Variants in PTPN9 observed in about 807,000 individuals in gnomAD.
The protein encoded by PTPN9 is tyrosine-protein phosphatase non-receptor type 9.
A neutral mutation model predicts 69.8 loss-of-function variants in PTPN9; 26 were observed. The observed-to-expected ratio is 0.37, with a 90% CI of 0.27 to 0.52. The LOEUF (loss-of-function observed/expected upper bound fraction) is 0.52, where lower values mean the gene tolerates loss of function less well. Ranked by LOEUF, PTPN9 falls within the 20% of genes least tolerant of loss-of-function variation. PTPN9 has a pLI of 0.91. For synonymous variants in PTPN9, 274 were observed against 272.5 expected, an observed-to-expected ratio of 1.01 and a Z score of -0.05; for missense variants, 549 against 740.3, an observed-to-expected ratio of 0.74 and a Z score of 3.00.
At chr15:75,539,792 C>A (rs777169334) in intron 1 of PTPN9, among the ~76,000 whole-genome samples, 1 of 151,646 alleles carries the variant, frequency 6.6e-6, no homozygotes, top group Non-Finnish European at 1.5e-5. Context: ...CTGCCTCAGC[C>A]TCCTGAGTAG....
rs371017343 is a variant in PTPN9 at position 75,475,887 on chromosome 15, C to T, written c.1130-2120G>A. ...GGTGCAGTGGCGCACGCCTGTAATC[C>T]CAGCACTTTGGGAGGATGAGGCAGG... On this transcript the variant is annotated intron_variant, in intron 9 of 12. Transcript: ENST00000618819. Among the ~76,000 whole-genome samples, 9 of 152,258 alleles carry T rather than the reference C, an allele frequency of 5.9e-5. No homozygotes were observed. In the South Asian group the frequency reaches 1.9e-3, roughly 32 times the overall value.
intron 9 of PTPN9, among the ~76,000 whole-genome samples, chr15:75,476,417 C>A (rs769047726): frequency 6.6e-6 from 1 of 152,094 alleles, no homozygotes; most frequent in Non-Finnish European, 1.5e-5. Flanking sequence ...CGCGTTCAAG[C>A]GATTCTCCTA....
chr15:75,472,375 C>T (rs1474923158), intron 10 of PTPN9, among the ~76,000 whole-genome samples: 1 of 151,962 alleles, frequency 6.6e-6, no homozygotes, highest in African/African-American at 2.4e-5. Flanking sequence ...AGGAGAATGG[C>T]GTGAACCCCG....
chr15:75,554,212 G>T lies in PTPN9; in HGVS notation c.63+24502C>A, dbSNP rs185084722. On this transcript the variant is annotated intron_variant, in intron 1 of 12. Transcript: ENST00000618819. Reference sequence around the variant, plus strand: ...AAAAGAAAAAAAAATTTTTTTTTTTGAAATAGAATTTCGCTCTTATTGCCC... The same window carrying T: ...AAAAGAAAAAAAAATTTTTTTTTTTTAAATAGAATTTCGCTCTTATTGCCC... Among the ~76,000 whole-genome samples the T allele has an allele frequency of 2.5e-4, 36 of 144,948 alleles. 1 individual carries two copies. The South Asian group carries it at 6.6e-3, about 26-fold the overall frequency.
At chr15:75,520,563 G>A (rs965783645) in intron 4 of PTPN9, among the ~76,000 whole-genome samples, 1 of 151,656 alleles carries the variant, frequency 6.6e-6, no homozygotes, top group Non-Finnish European at 1.5e-5. Flanking sequence ...TGTTGCCCAG[G>A]CTGAAGTGCA....
intron 5 of PTPN9, among the ~76,000 whole-genome samples, chr15:75,516,285 A>C (rs924114217): frequency 6.6e-6 from 1 of 151,630 alleles, no homozygotes; most frequent in African/African-American, 2.4e-5. Flanking sequence ...CTAAGCAGGA[A>C]ATTTATGTAT....
intron 7 of PTPN9, among the ~76,000 whole-genome samples, chr15:75,501,704 T>A (rs2074773696): frequency 6.6e-6 from 1 of 152,056 alleles, no homozygotes; most frequent in South Asian, 2.1e-4. Context: ...ATGATCCTCC[T>A]ATACCTTTAC....
At chr15:75,525,486 G>A (rs112045213) in intron 2 of PTPN9, among the ~76,000 whole-genome samples, 2,874 of 151,274 alleles carry the variant, frequency 0.019, 93 homozygotes, top group African/African-American at 0.065. Flanking sequence ...GAGCCACCGC[G>A]CCCAGCCTCT....
intron 1 of PTPN9, among the ~76,000 whole-genome samples, chr15:75,543,703 A>C (rs1018702521): frequency 2.6e-5 from 4 of 152,216 alleles, no homozygotes; most frequent in Non-Finnish European, 4.4e-5. Context: ...TATCTTTTTA[A>C]GTTTAAATCG....
intron 1 of PTPN9, among the ~76,000 whole-genome samples, chr15:75,549,298 G>A (rs2075046877): frequency 6.6e-6 from 1 of 151,870 alleles, no homozygotes; most frequent in African/African-American, 2.4e-5. Context: ...CCTCCCAGGT[G>A]CAAGTGATCC....
intron 1 of PTPN9, among the ~76,000 whole-genome samples, chr15:75,546,725 C>T (rs1009530690): frequency 7.3e-5 from 11 of 151,554 alleles, no homozygotes; most frequent in African/African-American, 1.7e-4. Flanking sequence ...TGGGTGGGCA[C>T]AGAAAGCCTG....
At chr15:75,561,692 T>C (rs1267865140) in intron 1 of PTPN9, among the ~76,000 whole-genome samples, 7 of 152,004 alleles carry the variant, frequency 4.6e-5, no homozygotes, top group Non-Finnish European at 7.4e-5. Context: ...GCCCGGCTAA[T>C]TTATTTTTTA....
At chr15:75,516,072 G>A (rs1734821224) in intron 5 of PTPN9, among the ~76,000 whole-genome samples, 2 of 151,982 alleles carry the variant, frequency 1.3e-5, no homozygotes, top group African/African-American at 4.8e-5. Flanking sequence ...AAAAGGTTGA[G>A]AAACACTCCC....
chr15:75,503,855 AG>A (rs1315111492), intron 7 of PTPN9, among the ~76,000 whole-genome samples: 1 of 45,552 alleles, frequency 2.2e-5, no homozygotes, highest in Admixed American at 2.4e-4. Context: ...GAGGGAGGTG[AG>A]GGGGGGTCAG....
chr15:75,539,628 G>A (rs1027943883), intron 1 of PTPN9, among the ~76,000 whole-genome samples: 2 of 151,598 alleles, frequency 1.3e-5, no homozygotes, highest in African/African-American at 4.8e-5. Context: ...TTTAATTGGA[G>A]GACCACGAAG....
intron 1 of PTPN9, among the ~76,000 whole-genome samples, chr15:75,543,713 G>GT (rs1278952043): frequency 6.6e-6 from 1 of 151,998 alleles, no homozygotes; most frequent in Admixed American, 6.6e-5. Flanking sequence ...AGTTTAAATC[G>GT]TATGACTATA....
At chr15:75,536,953 T>C (rs2074984678) in intron 1 of PTPN9, among the ~76,000 whole-genome samples, 1 of 152,138 alleles carries the variant, frequency 6.6e-6, no homozygotes, top group Non-Finnish European at 1.5e-5. Flanking sequence ...TAAATATCTA[T>C]GATGAATGAA....
intron 1 of PTPN9, among the ~76,000 whole-genome samples, chr15:75,566,307 G>C (rs540130491): frequency 6.6e-6 from 1 of 152,270 alleles, no homozygotes; most frequent in African/African-American, 2.4e-5. Flanking sequence ...TAAAAACTGA[G>C]ATCTCAGCAT....
intron 8 of PTPN9, among the ~76,000 whole-genome samples, chr15:75,486,105 A>C (rs2074675265): frequency 6.6e-6 from 1 of 151,632 alleles, no homozygotes; most frequent in Non-Finnish European, 1.5e-5. Context: ...AACTCAAAAA[A>C]AAAAAAAAAA....
Sources: allele counts gnomAD v4.1 joint callset (sites outside exome capture counted in the v4.1 genomes callset), GRCh38; gene constraint gnomAD v4.1.1; transcripts MANE v1.5; gene names NCBI Gene and HGNC (gene_info 2026-07-23, HGNC 2026-07-21).